TMTC1: variants seen among roughly 807,000 people sequenced by gnomAD.
The protein encoded by TMTC1 is transmembrane O-mannosyltransferase targeting cadherins 1.
TMTC1 carries 73 observed loss-of-function variants against 104.8 expected under a neutral mutation model. That is an observed-to-expected ratio of 0.70 (90% confidence interval 0.58 to 0.85). TMTC1 has a LOEUF of 0.85. TMTC1 is among the 40% of genes least tolerant of loss of function. The pLI is 0.00. For missense variants in TMTC1, 1,035 were observed against 1,096.1 expected (o/e 0.94, Z 0.79); for synonymous variants, 434 against 428.7 (o/e 1.01, Z -0.15).
chr12:29,599,974 G>A (rs1450395990), intron 7 of TMTC1, among the ~76,000 whole-genome samples: 2 of 133,930 alleles, frequency 1.5e-5, no homozygotes, highest in Non-Finnish European at 3.0e-5. Flanking sequence ...ATATATGTGT[G>A]TGTGTGTGTG....
chr12:29,574,569 G>A (rs1268242024), intron 8 of TMTC1, among the ~76,000 whole-genome samples: 3 of 152,186 alleles, frequency 2.0e-5, no homozygotes, highest in African/African-American at 7.2e-5. Context: ...AGAAGTTCAA[G>A]ATCAAAGTTA....
chr12:29,634,876 T>C (rs1352209573), intron 5 of TMTC1, among the ~76,000 whole-genome samples: 3 of 152,210 alleles, frequency 2.0e-5, no homozygotes, highest in Non-Finnish European at 4.4e-5. Context: ...CCTGAATTCC[T>C]GTCAACAAAT....
At chr12:29,526,303 A>G (rs1341621510) in intron 11 of TMTC1, among the ~76,000 whole-genome samples, 1 of 152,206 alleles carries the variant, frequency 6.6e-6, no homozygotes, top group Non-Finnish European at 1.5e-5. Flanking sequence ...TAGGCTCTCC[A>G]TGAGTATATG....
intron 11 of TMTC1, among the ~76,000 whole-genome samples, chr12:29,525,426 T>G (rs1327045597): frequency 6.6e-6 from 1 of 152,002 alleles, no homozygotes; most frequent in Non-Finnish European, 1.5e-5. Context: ...CCTCAGGTGA[T>G]CCACCCGCCT....
At chr12:29,588,351 G>T (rs757642934) in intron 7 of TMTC1, among the ~76,000 whole-genome samples, 1 of 152,014 alleles carries the variant, frequency 6.6e-6, no homozygotes, top group African/African-American at 2.4e-5. Flanking sequence ...TATTTATATT[G>T]TACAACTGAC....
chr12:29,612,992 G>A (rs1379378257), intron 6 of TMTC1, among the ~76,000 whole-genome samples: 1 of 150,396 alleles, frequency 6.6e-6, no homozygotes, highest in African/African-American at 2.5e-5. Flanking sequence ...ACAGGTAAGT[G>A]GGTCAAAGGC....
chr12:29,700,995 A>G (rs779865751), intron 5 of TMTC1, among the ~76,000 whole-genome samples: 27 of 151,660 alleles, frequency 1.8e-4, no homozygotes, highest in Non-Finnish European at 3.2e-4. Context: ...AAGTATTTTA[A>G]GCAAACTTCC....
intron 5 of TMTC1, among the ~76,000 whole-genome samples, chr12:29,673,078 C>A (rs1940578026): frequency 6.6e-6 from 1 of 152,136 alleles, no homozygotes; most frequent in African/African-American, 2.4e-5. Context: ...AAAATAAATT[C>A]ACTTTCTTAT....
intron 5 of TMTC1, among the ~76,000 whole-genome samples, chr12:29,737,977 T>C (rs1157227514): frequency 6.6e-6 from 1 of 152,236 alleles, no homozygotes; most frequent in Non-Finnish European, 1.5e-5. Flanking sequence ...ACAGATTTAC[T>C]GAACAGGCAA....
chr12:29,637,068 A>T (rs1000463758), intron 5 of TMTC1, among the ~76,000 whole-genome samples: 2 of 140,604 alleles, frequency 1.4e-5, no homozygotes, highest in Admixed American at 1.5e-4. Flanking sequence ...TTCAAAATGA[A>T]ACGAAACAAA....
At chr12:29,765,272 T>C (rs1288104024) in intron 2 of TMTC1, among the ~76,000 whole-genome samples, 3 of 152,206 alleles carry the variant, frequency 2.0e-5, no homozygotes, top group South Asian at 2.1e-4. Context: ...CTATGCATTG[T>C]AGATATCGAC....
At chr12:29,741,622 T>C (rs751371186) in intron 5 of TMTC1, among the ~76,000 whole-genome samples, 3 of 152,184 alleles carry the variant, frequency 2.0e-5, no homozygotes, top group Admixed American at 6.6e-5. Flanking sequence ...TCTTTGTCTC[T>C]TGCGCAACCT....
At chr12:29,674,283 C>A (rs987840113) in intron 5 of TMTC1, among the ~76,000 whole-genome samples, 4 of 150,130 alleles carry the variant, frequency 2.7e-5, no homozygotes, top group South Asian at 2.1e-4. Context: ...AAAAATATTT[C>A]TATGAGATGA....
intron 1 of TMTC1, 34 bp from the exon 2 acceptor site, chr12:29,768,109 T>C (rs765362189): frequency 6.8e-7 from 1 of 1,477,482 alleles, no homozygotes; most frequent in South Asian, 1.3e-5. Flanking sequence ...AAAAACTGCA[T>C]TAGCTACAAA....
At chr12:29,639,357 C>T (rs1380130018) in intron 5 of TMTC1, among the ~76,000 whole-genome samples, 1 of 152,048 alleles carries the variant, frequency 6.6e-6, no homozygotes. Flanking sequence ...CAGGGCCACC[C>T]AAGAGTAATA....
intron 8 of TMTC1, among the ~76,000 whole-genome samples, chr12:29,579,857 T>C (rs159694): frequency 0.58 from 88,284 of 152,046 alleles, 26,885 homozygotes; most frequent in Non-Finnish European, 0.67. Flanking sequence ...TGAGCTAGCT[T>C]AGGTTAAAAC....
intron 5 of TMTC1, among the ~76,000 whole-genome samples, chr12:29,750,579 A>G (rs1565812808): frequency 6.6e-6 from 1 of 152,252 alleles, no homozygotes; most frequent in Non-Finnish European, 1.5e-5. Flanking sequence ...AGATAAAAAA[A>G]CAAACATAGG....
Position 29,783,324 on chromosome 12 carries a change from G to C in TMTC1, c.302+126C>G. 1.2e-6 allele frequency: 1 copy of C among 805,692 alleles called. No homozygotes were observed. Among genetic ancestry groups the C allele is most frequent in the Non-Finnish European group, 1.7e-6 (1 of 594,898 alleles). The allele number at this position is 805,692 out of a possible 1,614,324, so 49.9% of individuals were successfully genotyped here. A position where few individuals can be genotyped will look rare whatever the true frequency, so the allele number is the denominator to read the frequency against. On this transcript the variant is annotated intron_variant, in intron 1 of 17. Transcript: ENST00000539277. This position sits in a 1 kb window ranked among gnomAD's most constrained non-coding sequence, Gnocchi z 4.7. ...TGCCATGCACATCCTGGAGAGGAGG[G>C]AGGCGTGGAGGGAAAGGGCGGCAAA...
chr12:29,632,510 A>G (rs978752258), intron 6 of TMTC1, among the ~76,000 whole-genome samples: 3 of 152,138 alleles, frequency 2.0e-5, no homozygotes, highest in African/African-American at 7.2e-5. Flanking sequence ...GGCACTCATT[A>G]TTCTCTTTCC....
Sources: gnomAD v4.1 joint callset for allele counts (sites outside exome capture counted in the v4.1 genomes callset) on GRCh38, gnomAD v4.1.1 for gene constraint, Gnocchi (gnomAD v3.1) non-coding constraint, MANE v1.5 for transcripts, NCBI Gene and HGNC (gene_info 2026-07-23, HGNC 2026-07-21) for gene names.